PARG: variants seen among roughly 807,000 people sequenced by gnomAD.
PARG encodes poly(ADP-ribose) glycohydrolase, also known as mitochondrial poly(ADP-ribose) glycohydrolase.
Under a neutral mutation model 113.0 loss-of-function variants are expected in PARG, and 35 were observed. That is an observed-to-expected ratio of 0.31 (90% CI 0.24 to 0.41). PARG has a LOEUF of 0.41. Among genes scored for constraint, PARG ranks in the 10% least tolerant of loss-of-function variants. The pLI is 1.00. For missense variants in PARG, 797 were observed against 1,169.4 expected, an observed-to-expected ratio of 0.68 and a Z score of 4.64; for synonymous variants, 330 against 409.9, an observed-to-expected ratio of 0.81 and a Z score of 2.36.
intron 7 of PARG, among the ~76,000 whole-genome samples, chr10:49,913,212 T>C (rs1554846775): frequency 6.6e-6 from 1 of 152,220 alleles, no homozygotes; most frequent in Non-Finnish European, 1.5e-5. Context: ...GGAGATTTGA[T>C]GGATAGAAAA....
At chr10:49,832,177 C>T (rs1327025476) in intron 16 of PARG, among the ~76,000 whole-genome samples, 7 of 152,224 alleles carry the variant, frequency 4.6e-5, no homozygotes, top group Admixed American at 4.6e-4. Context: ...TTTCCTACCA[C>T]AAACAATAAC....
chr10:49,889,271 G>T, intron 7 of PARG, among the ~76,000 whole-genome samples: 1 of 151,832 alleles, frequency 6.6e-6, no homozygotes. Flanking sequence ...GTTGAAATTT[G>T]GATATTTGGG....
At position 49,922,353 on chromosome 10, in the gene PARG, G is replaced by C. The variant is rs1443458389; in HGVS notation, c.1645C>G (p.Arg549Gly). 2.4e-5 allele frequency: 39 copies of C among 1,602,836 alleles called. No individual in the cohort carries two copies. Among genetic ancestry groups the C allele is most frequent in the African/African-American group, 5.4e-5 (4 of 74,692 alleles). ...CAACATACCTTCAAGTTTTGGGGTC[G>C]TGTAAATTTGTTGAGAAGTGCAGTC... ...IQTALLNKFT[R>G]PQNLKDAILK... Residue 549 changes from arginine (R) to glycine (G), a missense_variant, in exon 6 of 18, where the codon CGA (arginine) becomes GGA (glycine). Around this residue, in one of 5 missense-constraint regions of PARG, gnomAD observed 252 missense variants for 437.4 expected, o/e 0.58. Transcript: ENST00000616448.
chr10:49,844,349 G>A (rs887144575), intron 13 of PARG, among the ~76,000 whole-genome samples: 5 of 152,016 alleles, frequency 3.3e-5, no homozygotes, highest in African/African-American at 7.2e-5. Context: ...CTGGCCAGGT[G>A]CAGTGGCTCA....
chr10:49,840,084 T>C lies in PARG; in HGVS notation c.2541+1866A>G, dbSNP rs141611524. Among the ~76,000 whole-genome samples the C allele has an allele frequency of 3.9e-5, 6 of 152,282 alleles. No individual in the cohort carries two copies. In the East Asian group the frequency reaches 1.2e-3, roughly 29 times the overall value. ...AGGCTTACATTTAAAATGTATCCAA[T>C]TACTAGTAAAAGATACTTTTCAGGC... On this transcript the variant is annotated intron_variant, in intron 15 of 17. Coordinates refer to ENST00000616448, the MANE Select transcript of PARG (RefSeq NM_003631.5).
At chr10:49,831,012 C>G (rs1844632134) in intron 16 of PARG, among the ~76,000 whole-genome samples, 1 of 151,918 alleles carries the variant, frequency 6.6e-6, no homozygotes. Context: ...CTAACAAATG[C>G]TGAGTACTCA....
intron 9 of PARG, among the ~76,000 whole-genome samples, chr10:49,877,292 C>T (rs1429084642): frequency 6.7e-6 from 1 of 149,566 alleles, no homozygotes; most frequent in Non-Finnish European, 1.5e-5. Flanking sequence ...AAAACATTCT[C>T]CAATTTTAAA....
At chr10:49,899,146 T>C (rs1364202563) in intron 7 of PARG, among the ~76,000 whole-genome samples, 1 of 152,250 alleles carries the variant, frequency 6.6e-6, no homozygotes, top group Admixed American at 6.5e-5. Flanking sequence ...AGCAAAAATA[T>C]CATAGTTTTC....
chr10:49,828,013 C>T (rs761090000), intron 16 of PARG, among the ~76,000 whole-genome samples: 1 of 137,280 alleles, frequency 7.3e-6, no homozygotes, highest in Non-Finnish European at 1.5e-5. Context: ...CTCACGGGTG[C>T]CTAGGGTCTG....
At chr10:49,842,415 G>A (rs1278599158) in intron 14 of PARG, among the ~76,000 whole-genome samples, 1 of 152,186 alleles carries the variant, frequency 6.6e-6, no homozygotes, top group Non-Finnish European at 1.5e-5. Flanking sequence ...CATGCCACTT[G>A]CATCCTGACA....
Position 49,818,426 on chromosome 10 carries a change from A to G in PARG, c.*914T>C, listed in dbSNP as rs950075313. The G allele has an allele frequency of 4.8e-4, 73 of 152,770 alleles. 1 individual carries two copies. The highest frequency in any genetic ancestry group is 1.7e-3 in the African/African-American group (71 of 41,584). 9.5% of individuals were successfully genotyped at this position (152,770 alleles called of 1,614,324 possible). A position where few individuals can be genotyped will look rare whatever the true frequency, so the allele number is the denominator to read the frequency against. On this transcript the variant is annotated 3_prime_UTR_variant, in exon 18 of 18. Transcript: ENST00000616448. Reference sequence around the variant, plus strand: ...ATTTATTAATGAAAATTCATTCACTATATAACCTTTGAATACCAGAGAAAC... The same window carrying G: ...ATTTATTAATGAAAATTCATTCACTGTATAACCTTTGAATACCAGAGAAAC...
chr10:49,821,390 TA>T (rs1427295252), intron 16 of PARG, among the ~76,000 whole-genome samples: 1 of 152,170 alleles, frequency 6.6e-6, no homozygotes, highest in African/African-American at 2.4e-5. Flanking sequence ...AGGATATATA[TA>T]TTTTTTGAGA....
chr10:49,825,534 T>G (rs2132360912), intron 16 of PARG, among the ~76,000 whole-genome samples: 1 of 152,358 alleles, frequency 6.6e-6, no homozygotes, highest in East Asian at 1.9e-4. Context: ...TAGGTTGTTG[T>G]GTGCTAATAC....
rs572548184 is a variant in PARG at position 49,894,649 on chromosome 10, T to C, written c.1738-9354A>G. Among the ~76,000 whole-genome samples the C allele has an allele frequency of 1.8e-3, 280 of 152,352 alleles. 2 individuals carry two copies. The highest frequency in any genetic ancestry group is 6.5e-3 in the African/African-American group (270 of 41,586). ...AAGACACTTCTTTTCCCTTGTTGTA[T>C]TGCTTTGGCACTTTTGTTGAAAACC... On this transcript the variant is annotated intron_variant, in intron 7 of 17. Coordinates refer to ENST00000616448, the MANE Select transcript of PARG (RefSeq NM_003631.5).
intron 7 of PARG, among the ~76,000 whole-genome samples, chr10:49,886,284 T>C (rs1424789481): frequency 6.6e-6 from 1 of 152,206 alleles, no homozygotes; most frequent in Non-Finnish European, 1.5e-5. Context: ...AGAAACAGAC[T>C]CTTGACAAAA....
intron 15 of PARG, chr10:49,833,115 T>G (rs1305603795): frequency 5.6e-6 from 2 of 354,018 alleles, no homozygotes; most frequent in Admixed American, 9.1e-5. Context: ...TAAGAAATGA[T>G]AAATTCTAAT....
intron 13 of PARG, among the ~76,000 whole-genome samples, chr10:49,848,308 C>T (rs1554833669): frequency 6.7e-6 from 1 of 149,024 alleles, no homozygotes; most frequent in Non-Finnish European, 1.5e-5. Flanking sequence ...GAGATTGCGC[C>T]ACTGCACTCC....
chr10:49,828,963 C>T (rs904306667), intron 16 of PARG, among the ~76,000 whole-genome samples: 3 of 152,156 alleles, frequency 2.0e-5, no homozygotes, highest in Non-Finnish European at 4.4e-5. Context: ...GCCAGCCGGG[C>T]ACGGTGGCTC....
chr10:49,928,970 A>G (rs1589007142), intron 4 of PARG, among the ~76,000 whole-genome samples: 1 of 152,374 alleles, frequency 6.6e-6, no homozygotes, highest in East Asian at 1.9e-4. Flanking sequence ...TGGGAATAAG[A>G]CTGACAGACG....
Sources: allele counts gnomAD v4.1 joint callset (sites outside exome capture counted in the v4.1 genomes callset), GRCh38; gene constraint gnomAD v4.1.1; regional missense constraint gnomAD v4.1.1; transcripts MANE v1.5; gene names NCBI Gene and HGNC (gene_info 2026-07-23, HGNC 2026-07-21).